The following PDE11A variants were observed in gnomAD, a reference collection of about 807,000 sequenced individuals.
PDE11A encodes the protein dual 3',5'-cyclic-AMP and -GMP phosphodiesterase 11A.
In PDE11A, 100 loss-of-function variants were observed where a neutral mutation model predicts 100.5. That is an observed-to-expected ratio of 1.00 (90% CI 0.85 to 1.18). PDE11A has a LOEUF of 1.18. Ranked by LOEUF, PDE11A falls within the 50% of genes most tolerant of loss-of-function variation. PDE11A has a pLI of 0.00. For missense variants in PDE11A, 1,141 were observed against 1,152.6 expected (o/e 0.99, Z 0.15); for synonymous variants, 381 against 420.8 (o/e 0.91, Z 1.16).
chr2:177,898,496 A>G (rs1198402925), intron 3 of PDE11A, among the ~76,000 whole-genome samples: 1 of 152,230 alleles, frequency 6.6e-6, no homozygotes, highest in Non-Finnish European at 1.5e-5. Context: ...GATGCTGATT[A>G]TAGGGGTCAC....
chr2:177,677,537 A>T, intron 16 of PDE11A, among the ~76,000 whole-genome samples: 1 of 152,064 alleles, frequency 6.6e-6, no homozygotes, highest in Non-Finnish European at 1.5e-5. Flanking sequence ...AAGCCTGGGG[A>T]CTCAGGAGGG....
chr2:177,721,398 G>T (rs1268475931), intron 12 of PDE11A, among the ~76,000 whole-genome samples: 1 of 152,032 alleles, frequency 6.6e-6, no homozygotes, highest in Non-Finnish European at 1.5e-5. Context: ...ATATATTTCT[G>T]CTGTCTTATT....
intron 3 of PDE11A, chr2:177,899,713 A>G (rs1435686592): frequency 1.1e-5 from 2 of 179,350 alleles, no homozygotes; most frequent in Non-Finnish European, 2.3e-5. Flanking sequence ...TATAATATAA[A>G]TATATATAAT....
intron 2 of PDE11A, among the ~76,000 whole-genome samples, chr2:178,099,874 G>A (rs574619890): frequency 2.6e-5 from 4 of 151,988 alleles, no homozygotes; most frequent in African/African-American, 7.3e-5. Context: ...CTCTATCAAC[G>A]GATAAATAGA....
rs928632849 is a variant in PDE11A at position 177,626,170 on chromosome 2, G to C, written c.*3237C>G. 1 of 152,634 alleles carries C rather than the reference G, an allele frequency of 6.6e-6. No homozygotes were observed. The highest frequency in any genetic ancestry group is 1.5e-5 in the Non-Finnish European group (1 of 68,050). The allele number at this position is 152,634 out of a possible 1,614,324, so 9.5% of individuals were successfully genotyped here. A position where few individuals can be genotyped will look rare whatever the true frequency, so the allele number is the denominator to read the frequency against. On this transcript the variant is annotated 3_prime_UTR_variant, in exon 20 of 20. Coordinates refer to ENST00000286063, the MANE Select transcript of PDE11A (RefSeq NM_016953.4). The stretch of plus-strand genomic sequence containing the variant: ...GAAAACTCAACCTTAGTGGAAGCTT[G>C]TAGGGTTTATGCTATAAATTATGTT...
At chr2:177,657,647 G>A (rs532982049) in intron 19 of PDE11A, among the ~76,000 whole-genome samples, 19 of 151,820 alleles carry the variant, frequency 1.3e-4, no homozygotes, top group Non-Finnish European at 2.1e-4. Context: ...GGCAGGGAGA[G>A]AGAAGAGAGG....
At chr2:177,857,956 A>C (rs1243257876) in intron 5 of PDE11A, among the ~76,000 whole-genome samples, 1 of 152,116 alleles carries the variant, frequency 6.6e-6, no homozygotes, top group Non-Finnish European at 1.5e-5. Flanking sequence ...ACAATATTTT[A>C]TAATGGCAAA....
At chr2:177,917,462 T>C (rs1199129871) in intron 2 of PDE11A, among the ~76,000 whole-genome samples, 5 of 152,230 alleles carry the variant, frequency 3.3e-5, no homozygotes, top group Non-Finnish European at 4.4e-5. Context: ...CCAGGAAAGC[T>C]ATAAATTTAA....
chr2:177,828,988 G>T (rs901943843), intron 6 of PDE11A, among the ~76,000 whole-genome samples: 1 of 152,058 alleles, frequency 6.6e-6, no homozygotes, highest in Non-Finnish European at 1.5e-5. Flanking sequence ...AAATAGTACA[G>T]GGATGATAGT....
intron 2 of PDE11A, among the ~76,000 whole-genome samples, chr2:178,088,458 T>C (rs1436586209): frequency 6.6e-6 from 1 of 152,244 alleles, no homozygotes; most frequent in Non-Finnish European, 1.5e-5. Context: ...GGGAAGTACT[T>C]CACTCACTAG....
intron 9 of PDE11A, among the ~76,000 whole-genome samples, chr2:177,796,699 A>C (rs1197127537): frequency 6.6e-6 from 1 of 152,158 alleles, no homozygotes; most frequent in East Asian, 1.9e-4. Flanking sequence ...ACTGGGCCTA[A>C]AGTGAATGTC....
intron 1 of PDE11A, among the ~76,000 whole-genome samples, chr2:178,052,265 T>G (rs973697212): frequency 3.3e-5 from 5 of 152,190 alleles, no homozygotes; most frequent in Non-Finnish European, 4.4e-5. Context: ...GAATGACTAC[T>G]GGGTACATAA....
At chr2:177,768,070 A>G (rs1045181998) in intron 10 of PDE11A, among the ~76,000 whole-genome samples, 2 of 152,178 alleles carry the variant, frequency 1.3e-5, no homozygotes, top group African/African-American at 4.8e-5. Flanking sequence ...CTCTATGTCA[A>G]TAATAGACCC....
At chr2:177,929,077 C>T (rs1196019511) in intron 2 of PDE11A, among the ~76,000 whole-genome samples, 1 of 152,150 alleles carries the variant, frequency 6.6e-6, no homozygotes, top group African/African-American at 2.4e-5. Flanking sequence ...GAGTGTTGCA[C>T]AGGCGAAAAA....
intron 19 of PDE11A, among the ~76,000 whole-genome samples, chr2:177,633,246 A>T (rs1481266666): frequency 6.6e-6 from 1 of 152,236 alleles, no homozygotes; most frequent in African/African-American, 2.4e-5. Context: ...ACACCTTGTG[A>T]AAAGCCTTCT....
intron 2 of PDE11A, among the ~76,000 whole-genome samples, chr2:178,089,199 A>G (rs1199842820): frequency 6.6e-6 from 1 of 152,230 alleles, no homozygotes; most frequent in Non-Finnish European, 1.5e-5. Context: ...TGATCAGGGG[A>G]AAGTCAGTAA....
chr2:177,828,526 A>G (rs946702984), intron 6 of PDE11A, among the ~76,000 whole-genome samples: 2 of 152,210 alleles, frequency 1.3e-5, no homozygotes, highest in South Asian at 2.1e-4. Context: ...TGTTAAGATG[A>G]TAGGGAAAAA....
chr2:178,058,904 AT>A (rs2086931815), intron 1 of PDE11A, among the ~76,000 whole-genome samples: 1 of 152,208 alleles, frequency 6.6e-6, no homozygotes, highest in African/African-American at 2.4e-5. Flanking sequence ...CTCATTATTT[AT>A]CTTGACAAAG....
At chr2:177,799,169 C>A (rs2105550114) in intron 9 of PDE11A, among the ~76,000 whole-genome samples, 1 of 152,048 alleles carries the variant, frequency 6.6e-6, no homozygotes, top group South Asian at 2.1e-4. Flanking sequence ...TCAAGGTCAA[C>A]AAAATTGAAA....
Sources: gnomAD v4.1 joint callset for allele counts (sites outside exome capture counted in the v4.1 genomes callset) on GRCh38, gnomAD v4.1.1 for gene constraint, MANE v1.5 for transcripts, NCBI Gene and HGNC (gene_info 2026-07-23, HGNC 2026-07-21) for gene names.